The following PODXL variants were observed in gnomAD, a reference collection of about 807,000 sequenced individuals.
PODXL encodes the protein podocalyxin.
A neutral mutation model predicts 48.9 loss-of-function variants in PODXL; 20 were observed. The observed-to-expected ratio is 0.41, with a 90% CI of 0.29 to 0.59. PODXL has a LOEUF of 0.59. Among genes scored for constraint, PODXL ranks in the 20% least tolerant of loss-of-function variants. The pLI, the probability that PODXL is intolerant of heterozygous loss-of-function variation, is 0.31. For synonymous variants in PODXL, 295 were observed against 287.4 expected (o/e 1.03, Z -0.27); for missense variants, 606 against 675.1 (o/e 0.90, Z 1.13).
chr7:131,553,437 G>A (rs1044022349), intron 1 of PODXL, among the ~76,000 whole-genome samples: 3 of 152,082 alleles, frequency 2.0e-5, no homozygotes, highest in Admixed American at 1.3e-4. Flanking sequence ...CCAATGCCTG[G>A]GGTCCCTTAA....
rs536080220 is a variant in PODXL at position 131,510,541 on chromosome 7, T to C, written c.707-210A>G. Among the ~76,000 whole-genome samples the C allele has an allele frequency of 3.2e-4, 49 of 151,034 alleles. No individual in the cohort carries two copies. In the South Asian group the frequency reaches 9.8e-3, roughly 30 times the overall value. On this transcript the variant is annotated intron_variant, in intron 2 of 8. Coordinates refer to ENST00000378555, the MANE Select transcript of PODXL (RefSeq NM_001018111.3). ...AAATAAATAAATAAATAAATAGGTA[T>C]GAAATAGAAACTATTCCCCTCTCAG...
rs557956665 is a variant in PODXL, at chr7:131,549,509, C to T, written c.100+6751G>A. On this transcript the variant is annotated intron_variant, in intron 1 of 8. Transcript: ENST00000378555. Reference sequence around the variant, plus strand: ...TAAGAAGGAGCTGTGGCTTCAGCCTCACACACAGCCAGTATGTTCAAAAAT... The same window carrying T: ...TAAGAAGGAGCTGTGGCTTCAGCCTTACACACAGCCAGTATGTTCAAAAAT... 2.6e-5 allele frequency among the ~76,000 whole-genome samples: 4 copies of T among 152,308 alleles called. No homozygotes were observed. The East Asian group carries it at 7.7e-4, about 29-fold the overall frequency.
chr7:131,513,488 G>A (rs957943629), intron 1 of PODXL, among the ~76,000 whole-genome samples: 3 of 152,326 alleles, frequency 2.0e-5, no homozygotes, highest in East Asian at 1.9e-4. Flanking sequence ...TGGGAGTTCC[G>A]CACCCCGTGA....
chr7:131,500,598 T>G lies in PODXL; in HGVS notation c.*3713A>C, dbSNP rs1445669670. 6.6e-6 allele frequency: 1 copy of G among 152,314 alleles called. No individual in the cohort carries two copies. Among genetic ancestry groups the G allele is most frequent in the Non-Finnish European group, 1.5e-5 (1 of 68,060 alleles). The allele number at this position is 152,314 out of a possible 1,614,324, so 9.4% of individuals were successfully genotyped here. On this transcript the variant is annotated 3_prime_UTR_variant, in exon 9 of 9. Transcript: ENST00000378555. The stretch of plus-strand genomic sequence containing the variant: ...CCCTCTCTGCCTCCCCCATCATGTT[T>G]CCTTGGTCCCTCAGTCCTGTTGGAG...
At chr7:131,526,668 G>T (rs897350681) in intron 1 of PODXL, among the ~76,000 whole-genome samples, 23 of 150,982 alleles carry the variant, frequency 1.5e-4, no homozygotes, top group Admixed American at 1.3e-3. Flanking sequence ...GAAACACTTT[G>T]GAAAAGAGTG....
Position 131,510,821 on chromosome 7 carries a change from T to A in PODXL, c.706+7A>T. ...TTGGTGCTTGAAGAAAACCAGGCAT[T>A]ACTTACGTAGGGTGGTGGTCATCCC... is the stretch of plus-strand genomic sequence containing the variant. On this transcript the variant is annotated splice_region_variant and intron_variant, in intron 2 of 8. Coordinates refer to ENST00000378555, the MANE Select transcript of PODXL (RefSeq NM_001018111.3). 1 of 1,614,058 alleles carries A rather than the reference T, an allele frequency of 6.2e-7. No homozygotes were observed. Among genetic ancestry groups the A allele is most frequent in the Non-Finnish European group, 8.5e-7 (1 of 1,180,000 alleles).
At chr7:131,547,552 G>A (rs950268189) in intron 1 of PODXL, among the ~76,000 whole-genome samples, 6 of 152,156 alleles carry the variant, frequency 3.9e-5, no homozygotes, top group Non-Finnish European at 8.8e-5. Flanking sequence ...AAGTGTCGAA[G>A]CTGTGGCTAA....
intron 1 of PODXL, among the ~76,000 whole-genome samples, chr7:131,535,595 C>A (rs1296967189): frequency 6.6e-6 from 1 of 152,180 alleles, no homozygotes; most frequent in African/African-American, 2.4e-5. Context: ...ACAGTCTCTG[C>A]CGCAACTACT....
chr7:131,548,824 G>GTT (rs1798624051), intron 1 of PODXL, among the ~76,000 whole-genome samples: 1 of 151,262 alleles, frequency 6.6e-6, no homozygotes, highest in Non-Finnish European at 1.5e-5. Context: ...CTGCCCATAT[G>GTT]CCCCCAGGAC....
intron 1 of PODXL, among the ~76,000 whole-genome samples, chr7:131,526,035 G>A (rs1297289076): frequency 6.6e-6 from 1 of 152,188 alleles, no homozygotes; most frequent in African/African-American, 2.4e-5. Flanking sequence ...TCTGGAAGCA[G>A]TGACAAACCA....
In PODXL at chr7:131,502,275, T is replaced by C. The variant is rs1014857718; in HGVS notation, c.*2036A>G. The C allele has an allele frequency of 6.6e-6, 1 of 152,184 alleles. No homozygotes were observed. Among genetic ancestry groups the C allele is most frequent in the Non-Finnish European group, 1.5e-5 (1 of 68,070 alleles). 9.4% of individuals were successfully genotyped at this position (152,184 alleles called of 1,614,324 possible). A position where few individuals can be genotyped will look rare whatever the true frequency, so the allele number is the denominator to read the frequency against. ...CACCTCACTCAAGCCTAACAAGATT[T>C]CCTGTTTTCCCCCAAACAGGCACTG... On this transcript the variant is annotated 3_prime_UTR_variant, in exon 9 of 9. Coordinates refer to ENST00000378555, the MANE Select transcript of PODXL (RefSeq NM_001018111.3).
chr7:131,532,447 A>T lies in PODXL; in HGVS notation c.101-21014T>A, dbSNP rs868236451. 3.2e-3 allele frequency among the ~76,000 whole-genome samples: 454 copies of T among 143,220 alleles called. 5 individuals carry two copies. Among genetic ancestry groups the T allele is most frequent in the African/African-American group, 0.01 (410 of 39,364 alleles). 94.0% of individuals were successfully genotyped at this position (143,220 alleles called of 152,430 possible). On this transcript the variant is annotated intron_variant, in intron 1 of 8. Coordinates refer to ENST00000378555, the MANE Select transcript of PODXL (RefSeq NM_001018111.3). ...CAAGACTCCGTCTCAAAAAAAAAAA[A>T]AAAATTAAAAATAAATAATAATAAT... is the stretch of plus-strand genomic sequence containing the variant.
intron 1 of PODXL, among the ~76,000 whole-genome samples, chr7:131,519,062 C>A (rs577931297): frequency 6.6e-6 from 1 of 152,180 alleles, no homozygotes; most frequent in Non-Finnish European, 1.5e-5. Flanking sequence ...ATGATTAGCT[C>A]CTGCTGATGA....
Position 131,520,328 on chromosome 7 carries a change from A to T in PODXL, c.101-8895T>A, listed in dbSNP as rs1003020634. On this transcript the variant is annotated intron_variant, in intron 1 of 8. Transcript: ENST00000378555. ...GGGAACTCCAGATGTGCGCATTGAT[A>T]CCAGGCTCATCAAAGCTGTCTGGGC... 5.7e-6 allele frequency: 3 copies of T among 529,886 alleles called. No homozygotes were observed. In the Admixed American group the frequency reaches 6.1e-5, roughly 11 times the overall value. 32.8% of individuals were successfully genotyped at this position (529,886 alleles called of 1,614,324 possible).
In PODXL at chr7:131,503,991, A is replaced by G. The variant is rs1797755700; in HGVS notation, c.*320T>C. The G allele has an allele frequency of 2.6e-6, 1 of 378,866 alleles. No individual in the cohort carries two copies. The highest frequency in any genetic ancestry group is 6.4e-5 in the East Asian group (1 of 15,538). 23.5% of individuals were successfully genotyped at this position (378,866 alleles called of 1,614,324 possible). ...CTTGGGCAAGTCACTTACCCTCTTC[A>G]GGTCTCGGCAATCTCACTGCAGAAT... On this transcript the variant is annotated 3_prime_UTR_variant, in exon 9 of 9. Transcript: ENST00000378555.
rs144243404 is a variant in PODXL at position 131,533,017 on chromosome 7, A to G, written c.101-21584T>C. On this transcript the variant is annotated intron_variant, in intron 1 of 8. Transcript: ENST00000378555. ...CACCCAGCCGACAGTATTTTGTTAT[A>G]CTGTAACAAAAATCAGAGCTAAGAC... Among the ~76,000 whole-genome samples, 288 of 152,288 alleles carry G rather than the reference A, an allele frequency of 1.9e-3. 2 individuals carry two copies. The highest frequency in any genetic ancestry group is 6.8e-3 in the African/African-American group (283 of 41,554).
intron 3 of PODXL, 43 bp downstream of exon 3, chr7:131,510,193 G>A (rs1797884453): frequency 4.5e-6 from 2 of 446,800 alleles, no homozygotes; most frequent in African/African-American, 4.1e-5. Context: ...TAATAAGTAA[G>A]TAAGTAAGTA....
rs184434647 is a variant in PODXL at position 131,553,243 on chromosome 7, C to G, written c.100+3017G>C. Among the ~76,000 whole-genome samples, 67 of 152,304 alleles carry G rather than the reference C, an allele frequency of 4.4e-4. 1 individual carries two copies. The highest frequency in any genetic ancestry group is 3.9e-3 in the Admixed American group (60 of 15,290). ...TCAGCCACATTAGGAAACACTGACC[C>G]TTTTAATTTTAAAATCCCTATGTGA... On this transcript the variant is annotated intron_variant, in intron 1 of 8. Coordinates refer to ENST00000378555, the MANE Select transcript of PODXL (RefSeq NM_001018111.3).
rs573293117 is a variant in PODXL, at chr7:131,538,196, C to G, written c.100+18064G>C. ...TGACTTAGTTGGGAGGATGACCCCCCTACCCCCAGGCAGACCCTCAGGCTG... is the reference window on the plus strand; with the variant it reads ...TGACTTAGTTGGGAGGATGACCCCCGTACCCCCAGGCAGACCCTCAGGCTG... On this transcript the variant is annotated intron_variant, in intron 1 of 8. Transcript: ENST00000378555. 5.3e-5 allele frequency among the ~76,000 whole-genome samples: 8 copies of G among 152,186 alleles called. No homozygotes were observed. The South Asian group carries it at 8.3e-4, about 16-fold the overall frequency.
Sources: gnomAD v4.1 joint callset for allele counts (sites outside exome capture counted in the v4.1 genomes callset) on GRCh38, gnomAD v4.1.1 for gene constraint, MANE v1.5 for transcripts, NCBI Gene and HGNC (gene_info 2026-07-23, HGNC 2026-07-21) for gene names.